Variants in GPATCH2 observed in about 807,000 individuals in gnomAD.
GPATCH2 encodes the protein G-patch domain containing 2.
Under a neutral mutation model 58.0 loss-of-function variants are expected in GPATCH2, and 51 were observed. The ratio of observed to expected loss-of-function variants is 0.88; its 90% CI spans 0.70 to 1.11. The LOEUF is 1.11. GPATCH2 is among the 50% of genes most tolerant of loss of function. The pLI is 0.00. For missense variants in GPATCH2, 625 were observed against 652.2 expected (o/e 0.96, Z 0.45); for synonymous variants, 222 against 218.5 (o/e 1.02, Z -0.14).
At chr1:217,591,374 A>G (rs1667583597) in intron 5 of GPATCH2, among the ~76,000 whole-genome samples, 3 of 151,996 alleles carry the variant, frequency 2.0e-5, no homozygotes, top group Admixed American at 2.0e-4. Context: ...AAAATAGTAA[A>G]ATTTCCCTGG....
intron 8 of GPATCH2, among the ~76,000 whole-genome samples, chr1:217,478,124 G>A (rs1374169865): frequency 6.6e-6 from 1 of 152,164 alleles, no homozygotes; most frequent in Non-Finnish European, 1.5e-5. Context: ...AGCAGATACA[G>A]CTTAGATTAC....
rs563748249 is a variant in GPATCH2, at chr1:217,452,957, T to G, written c.1278-3620A>C. Reference sequence around the variant, plus strand: ...ATTATTGATCCATAAGATCACCCCATTTAGGCTTGCCCCACACCCCCCTTC... The same window carrying G: ...ATTATTGATCCATAAGATCACCCCAGTTAGGCTTGCCCCACACCCCCCTTC... On this transcript the variant is annotated intron_variant, in intron 8 of 9. Transcript: ENST00000366935. Among the ~76,000 whole-genome samples the G allele has an allele frequency of 1.1e-4, 17 of 152,310 alleles. No individual in the cohort carries two copies. In the South Asian group the frequency reaches 3.3e-3, roughly 30 times the overall value.
intron 8 of GPATCH2, among the ~76,000 whole-genome samples, chr1:217,460,336 T>C (rs1298703631): frequency 6.6e-6 from 1 of 152,244 alleles, no homozygotes; most frequent in African/African-American, 2.4e-5. Flanking sequence ...AATAAACTTC[T>C]GCTGAAAACG....
chr1:217,595,095 A>G (rs1164784243), intron 5 of GPATCH2, among the ~76,000 whole-genome samples: 1 of 152,242 alleles, frequency 6.6e-6, no homozygotes, highest in East Asian at 1.9e-4. Context: ...GTCAATTCCA[A>G]AAGTTGAGCA....
At chr1:217,569,921 G>A (rs1666454917) in intron 5 of GPATCH2, among the ~76,000 whole-genome samples, 1 of 152,076 alleles carries the variant, frequency 6.6e-6, no homozygotes, top group Non-Finnish European at 1.5e-5. Context: ...TTTGAAGCCA[G>A]AAAATGAACA....
intron 5 of GPATCH2, among the ~76,000 whole-genome samples, chr1:217,552,923 A>C (rs970299781): frequency 6.6e-6 from 1 of 152,162 alleles, no homozygotes; most frequent in African/African-American, 2.4e-5. Context: ...AAAACCTCAG[A>C]AGTCTTACCT....
At chr1:217,477,704 A>G (rs923097907) in intron 8 of GPATCH2, among the ~76,000 whole-genome samples, 2 of 152,076 alleles carry the variant, frequency 1.3e-5, no homozygotes, top group African/African-American at 4.8e-5. Flanking sequence ...GAAGGACTGC[A>G]ACTACTGGTG....
At chr1:217,605,736 A>G (rs1668331341) in intron 5 of GPATCH2, among the ~76,000 whole-genome samples, 1 of 152,246 alleles carries the variant, frequency 6.6e-6, no homozygotes, top group Non-Finnish European at 1.5e-5. Flanking sequence ...CTGATTTTTT[A>G]GGATGCATAG....
intron 5 of GPATCH2, among the ~76,000 whole-genome samples, chr1:217,521,326 C>T (rs923069295): frequency 3.9e-5 from 5 of 128,034 alleles, no homozygotes; most frequent in African/African-American, 1.2e-4. Context: ...TCCAATTTAC[C>T]ACCTAGTACT....
intron 7 of GPATCH2, among the ~76,000 whole-genome samples, chr1:217,495,381 T>C (rs1249071195): frequency 3.9e-5 from 6 of 152,186 alleles, no homozygotes; most frequent in Non-Finnish European, 8.8e-5. Context: ...GTGCTTCTAT[T>C]GGCAGCCACT....
intron 7 of GPATCH2, among the ~76,000 whole-genome samples, chr1:217,492,334 C>A (rs1221015233): frequency 6.6e-6 from 1 of 152,218 alleles, no homozygotes; most frequent in East Asian, 1.9e-4. Context: ...TATTTGATTG[C>A]CTCCTCAAAA....
chr1:217,604,088 C>T (rs1453619892), intron 5 of GPATCH2, among the ~76,000 whole-genome samples: 1 of 151,924 alleles, frequency 6.6e-6, no homozygotes, highest in Non-Finnish European at 1.5e-5. Flanking sequence ...CAGTGGCTCA[C>T]GACTGTAATC....
chr1:217,473,447 T>G (rs1281213415), intron 8 of GPATCH2, among the ~76,000 whole-genome samples: 1 of 152,144 alleles, frequency 6.6e-6, no homozygotes, highest in Non-Finnish European at 1.5e-5. Flanking sequence ...TATGCCTTTA[T>G]GTATTTATTT....
In GPATCH2 at chr1:217,514,802, T is replaced by G. The variant is rs761177411; in HGVS notation, c.1166+20A>C. The G allele has an allele frequency of 3.4e-6, 4 of 1,182,470 alleles. No individual in the cohort carries two copies. The highest frequency in any genetic ancestry group is 5.1e-6 in the Non-Finnish European group (4 of 786,940). The allele number at this position is 1,182,470 out of a possible 1,614,324, so 73.2% of individuals were successfully genotyped here. The stretch of plus-strand genomic sequence containing the variant: ...AGTAGAATACTCCAATAAGGTTATA[T>G]AAACACACTGAGTACTCACTCATGG... On this transcript the variant is annotated intron_variant, in intron 6 of 9. Transcript: ENST00000366935.
intron 5 of GPATCH2, among the ~76,000 whole-genome samples, chr1:217,559,279 T>C (rs1390421610): frequency 1.3e-5 from 2 of 151,554 alleles, no homozygotes; most frequent in Non-Finnish European, 2.9e-5. Context: ...CACTATACTA[T>C]GCCATGGATC....
At chr1:217,459,367 T>A (rs1660098668) in intron 8 of GPATCH2, among the ~76,000 whole-genome samples, 1 of 152,204 alleles carries the variant, frequency 6.6e-6, no homozygotes, top group Non-Finnish European at 1.5e-5. Context: ...GGAAAATTCA[T>A]TTCGCCTGAA....
At chr1:217,436,772 G>A (rs1250982323) in intron 9 of GPATCH2, among the ~76,000 whole-genome samples, 2 of 152,120 alleles carry the variant, frequency 1.3e-5, no homozygotes, top group African/African-American at 4.8e-5. Context: ...AGATGTAACT[G>A]ATGTTTGGAG....
chr1:217,513,115 C>T (rs565247149), intron 6 of GPATCH2, among the ~76,000 whole-genome samples: 62 of 152,222 alleles, frequency 4.1e-4, no homozygotes, highest in African/African-American at 1.4e-3. Flanking sequence ...CACGGGGATA[C>T]CCCATCTCTA....
At chr1:217,586,803 G>A (rs745707251) in intron 5 of GPATCH2, among the ~76,000 whole-genome samples, 21 of 152,074 alleles carry the variant, frequency 1.4e-4, no homozygotes, top group Non-Finnish European at 2.6e-4. Context: ...ACAATGCCAC[G>A]AGGTGACAGG....
Sources: gnomAD v4.1 joint callset for allele counts (sites outside exome capture counted in the v4.1 genomes callset) on GRCh38, gnomAD v4.1.1 for gene constraint, MANE v1.5 for transcripts, NCBI Gene and HGNC (gene_info 2026-07-23, HGNC 2026-07-21) for gene names.